Variants in CDH12 observed in about 807,000 individuals in gnomAD.
CDH12 encodes the protein cadherin 12, also known as cadherin-12.
CDH12 carries 41 observed loss-of-function variants against 74.1 expected under a neutral mutation model. That is an observed-to-expected ratio of 0.55 (90% CI 0.43 to 0.72). The LOEUF (loss-of-function observed/expected upper bound fraction) is 0.72, where lower values mean the gene tolerates loss of function less well. CDH12 is among the 30% of genes least tolerant of loss of function. The pLI is 0.00. For missense variants in CDH12, 945 were observed against 977.2 expected, an observed-to-expected ratio of 0.97 and a Z score of 0.44; for synonymous variants, 399 against 355.0, an observed-to-expected ratio of 1.12 and a Z score of -1.39.
At chr5:22,276,056 T>C (rs1736622236) in intron 3 of CDH12, among the ~76,000 whole-genome samples, 1 of 152,214 alleles carries the variant, frequency 6.6e-6, no homozygotes, top group Non-Finnish European at 1.5e-5. Context: ...CTTTTATTCA[T>C]TATTTTCATA....
chr5:22,204,521 A>T (rs1314875119), intron 4 of CDH12, among the ~76,000 whole-genome samples: 1 of 152,244 alleles, frequency 6.6e-6, no homozygotes, highest in East Asian at 1.9e-4. Context: ...AGTAGTAAAA[A>T]ATACAATGTA....
chr5:21,906,786 C>A (rs1753660959), intron 6 of CDH12, among the ~76,000 whole-genome samples: 1 of 152,222 alleles, frequency 6.6e-6, no homozygotes, highest in Non-Finnish European at 1.5e-5. Flanking sequence ...CCCTCTCCAG[C>A]TGCCTTCTGC....
intron 3 of CDH12, among the ~76,000 whole-genome samples, chr5:22,264,936 G>C: frequency 6.6e-6 from 1 of 152,248 alleles, no homozygotes; most frequent in Non-Finnish European, 1.5e-5. Context: ...ATTCTTTGAC[G>C]TATAGACATT....
At chr5:22,491,850 G>C (rs1330885349) in intron 2 of CDH12, among the ~76,000 whole-genome samples, 1 of 151,982 alleles carries the variant, frequency 6.6e-6, no homozygotes, top group Non-Finnish European at 1.5e-5. Flanking sequence ...TCTGAGCAAA[G>C]GGCTGTTCGA....
intron 6 of CDH12, among the ~76,000 whole-genome samples, chr5:21,916,756 G>A (rs1473838817): frequency 6.6e-6 from 1 of 152,144 alleles, no homozygotes; most frequent in Non-Finnish European, 1.5e-5. Flanking sequence ...GCTGTCCGAT[G>A]CAACTAACAC....
chr5:22,640,153 C>T (rs141927969), intron 1 of CDH12, among the ~76,000 whole-genome samples: 1 of 152,222 alleles, frequency 6.6e-6, no homozygotes, highest in East Asian at 1.9e-4. Flanking sequence ...TATGGATCCA[C>T]TCTATTAAAT....
intron 3 of CDH12, among the ~76,000 whole-genome samples, chr5:22,229,790 T>C (rs1014509477): frequency 6.6e-6 from 1 of 152,152 alleles, no homozygotes; most frequent in African/African-American, 2.4e-5. Flanking sequence ...CCGGATACTC[T>C]GTATTTAATG....
chr5:22,097,567 A>G (rs1415784271), intron 4 of CDH12, among the ~76,000 whole-genome samples: 1 of 152,010 alleles, frequency 6.6e-6, no homozygotes, highest in Non-Finnish European at 1.5e-5. Flanking sequence ...GCTCCTTTTT[A>G]GTTATCCCCA....
At chr5:22,826,950 A>G (rs187278144) in intron 1 of CDH12, among the ~76,000 whole-genome samples, 134 of 152,368 alleles carry the variant, frequency 8.8e-4, no homozygotes, top group African/African-American at 3.0e-3. Context: ...GGATGCAGAA[A>G]TTTGCATAAG....
At chr5:22,741,186 A>T (rs1745008099) in intron 1 of CDH12, among the ~76,000 whole-genome samples, 1 of 152,172 alleles carries the variant, frequency 6.6e-6, no homozygotes, top group Admixed American at 6.6e-5. Context: ...AAATTTTTAG[A>T]TGACTTTCAA....
chr5:22,388,458 T>C (rs1347608775), intron 3 of CDH12, among the ~76,000 whole-genome samples: 1 of 152,024 alleles, frequency 6.6e-6, no homozygotes, highest in Non-Finnish European at 1.5e-5. Flanking sequence ...TTGCCTGAGA[T>C]CATAAAGATT....
At chr5:22,728,138 C>T (rs374764967) in intron 1 of CDH12, among the ~76,000 whole-genome samples, 1 of 151,782 alleles carries the variant, frequency 6.6e-6, no homozygotes, top group East Asian at 1.9e-4. Flanking sequence ...TTTATTTCCT[C>T]CCATCATTAA....
intron 4 of CDH12, among the ~76,000 whole-genome samples, chr5:22,113,631 C>A (rs1321938524): frequency 6.6e-6 from 1 of 152,146 alleles, no homozygotes; most frequent in Non-Finnish European, 1.5e-5. Context: ...TGCGCCCCAA[C>A]CACCTTGGGC....
intron 5 of CDH12, among the ~76,000 whole-genome samples, chr5:22,066,032 C>G (rs1300070437): frequency 6.6e-6 from 1 of 152,096 alleles, no homozygotes; most frequent in Admixed American, 6.6e-5. Context: ...GTCCTTGCCC[C>G]TCAATCAGTT....
At chr5:22,264,496 T>C (rs1458299088) in intron 3 of CDH12, among the ~76,000 whole-genome samples, 2 of 152,172 alleles carry the variant, frequency 1.3e-5, no homozygotes, top group Non-Finnish European at 1.5e-5. Context: ...GGTAAAGAAG[T>C]ATAAAAGTGT....
intron 3 of CDH12, among the ~76,000 whole-genome samples, chr5:22,310,715 T>C (rs900555641): frequency 2.0e-5 from 3 of 152,210 alleles, no homozygotes; most frequent in Non-Finnish European, 4.4e-5. Context: ...CATGGTATTG[T>C]GTTACTTATG....
At chr5:22,365,462 G>C (rs529175090) in intron 3 of CDH12, among the ~76,000 whole-genome samples, 36 of 152,224 alleles carry the variant, frequency 2.4e-4, no homozygotes, top group Non-Finnish European at 4.4e-4. Context: ...AGATAAATAA[G>C]CTATCTATGT....
intron 6 of CDH12, among the ~76,000 whole-genome samples, chr5:21,860,027 A>T (rs532104881): frequency 9.9e-5 from 15 of 151,994 alleles, no homozygotes; most frequent in Admixed American, 9.9e-4. Context: ...AAAAAAAAAC[A>T]TGACCTGCTG....
At chr5:22,359,779 C>T (rs1289084562) in intron 3 of CDH12, among the ~76,000 whole-genome samples, 1 of 152,104 alleles carries the variant, frequency 6.6e-6, no homozygotes, top group Non-Finnish European at 1.5e-5. Flanking sequence ...TAGAAATTCA[C>T]TCAAAACCAC....
Sources: gnomAD v4.1 joint callset for allele counts (sites outside exome capture counted in the v4.1 genomes callset) on GRCh38, gnomAD v4.1.1 for gene constraint, MANE v1.5 for transcripts, NCBI Gene and HGNC (gene_info 2026-07-23, HGNC 2026-07-21) for gene names.